Variants in LUZP1 observed in about 807,000 individuals in gnomAD.
LUZP1 encodes the protein filamin mechanobinding actin cross-linking protein.
Under a neutral mutation model 71.3 loss-of-function variants are expected in LUZP1, and 25 were observed. That is an observed-to-expected ratio of 0.35 (90% CI 0.26 to 0.49). The LOEUF (loss-of-function observed/expected upper bound fraction) is 0.49, where lower values mean the gene tolerates loss of function less well. Ranked by LOEUF, LUZP1 falls within the 20% of genes least tolerant of loss-of-function variation. The probability of loss-of-function intolerance (pLI) is 0.99; values close to 1 mark genes in which losing one functional copy is unlikely to be tolerated. For missense variants in LUZP1, 1,142 were observed against 1,300.8 expected (o/e 0.88, Z 1.88); for synonymous variants, 481 against 506.4 (o/e 0.95, Z 0.67).
intron 3 of LUZP1, among the ~76,000 whole-genome samples, chr1:23,104,942 A>T (rs937997537): frequency 6.6e-6 from 1 of 152,176 alleles, no homozygotes; most frequent in African/African-American, 2.4e-5. Flanking sequence ...TTTATATATA[A>T]TCTCTTAAAT....
intron 2 of LUZP1, among the ~76,000 whole-genome samples, chr1:23,166,106 C>T (rs948017793): frequency 1.3e-4 from 20 of 150,414 alleles, no homozygotes; most frequent in Non-Finnish European, 3.0e-4. Flanking sequence ...ATTTACAACA[C>T]TGCTGAAAGA....
At position 23,139,012 on chromosome 1, in the gene LUZP1, AAAAAAAAATATATATATAT is replaced by A. The variant is rs1290986605; in HGVS notation, c.-226+29735_-226+29753del. ...GACTCCATCTCAAAAAAAAAAAAAAAAAAAAAAATATATATATATATATATATATATATACACACATCAT... is the reference window on the plus strand; with the variant it reads ...GACTCCATCTCAAAAAAAAAAAAAAAATATATATATATATACACACATCAT... On this transcript the variant is annotated intron_variant, in intron 2 of 4. Transcript: ENST00000302291. Among the ~76,000 whole-genome samples the A allele has an allele frequency of 2.9e-3, 295 of 103,306 alleles. 4 individuals are homozygous for A. The highest frequency in any genetic ancestry group is 0.012 in the African/African-American group (287 of 23,168). The allele number at this position is 103,306 out of a possible 152,430, so 67.8% of individuals were successfully genotyped here.
At chr1:23,117,490 C>A (rs1644091607) in intron 2 of LUZP1, among the ~76,000 whole-genome samples, 1 of 45,504 alleles carries the variant, frequency 2.2e-5, no homozygotes, top group Admixed American at 2.9e-4. Flanking sequence ...CCCCCCCCCC[C>A]CACAATCAGG....
intron 3 of LUZP1, among the ~76,000 whole-genome samples, chr1:23,107,810 C>CA (rs1643996083): frequency 2.0e-5 from 3 of 151,942 alleles, no homozygotes; most frequent in African/African-American, 7.3e-5. Flanking sequence ...CTACGCCTTG[C>CA]AAAAAATAAA....
intron 2 of LUZP1, among the ~76,000 whole-genome samples, chr1:23,132,320 C>T (rs1644221283): frequency 6.6e-6 from 1 of 152,060 alleles, no homozygotes; most frequent in South Asian, 2.1e-4. Context: ...CTAAAGAATC[C>T]TTGACACTGC....
intron 2 of LUZP1, among the ~76,000 whole-genome samples, chr1:23,166,383 G>A (rs950605279): frequency 3.3e-5 from 5 of 152,142 alleles, no homozygotes; most frequent in South Asian, 2.1e-4. Flanking sequence ...GACTGGGAGC[G>A]GTGGCTCACA....
At chr1:23,088,883 C>G in exon 5 of LUZP1, 12 of 1,612,630 alleles carry the variant, frequency 7.4e-6, no homozygotes, top group Non-Finnish European at 1.0e-5. Context: ...AGACAACAGA[C>G]ACCCAGCGGG....
chr1:23,096,534 T>G (rs1460997323), intron 3 of LUZP1, among the ~76,000 whole-genome samples: 1 of 152,114 alleles, frequency 6.6e-6, no homozygotes, highest in Non-Finnish European at 1.5e-5. Context: ...ACCTAGGATT[T>G]AGGATCGGAA....
chr1:23,134,820 C>CT (rs113876329), intron 2 of LUZP1, among the ~76,000 whole-genome samples: 17 of 149,210 alleles, frequency 1.1e-4, no homozygotes, highest in South Asian at 2.1e-4. Flanking sequence ...AGTTGCCATG[C>CT]TTTTTTTTTT....
chr1:23,155,824 T>G (rs1644417207), intron 2 of LUZP1, among the ~76,000 whole-genome samples: 1 of 151,882 alleles, frequency 6.6e-6, no homozygotes, highest in African/African-American at 2.4e-5. Flanking sequence ...AACACTTAAA[T>G]GAGCTGCTCA....
chr1:23,148,250 T>A (rs1004303468), intron 2 of LUZP1, among the ~76,000 whole-genome samples: 2 of 152,156 alleles, frequency 1.3e-5, no homozygotes, highest in African/African-American at 4.8e-5. Flanking sequence ...GCTGAATAAT[T>A]CCATTTCTTG....
chr1:23,098,177 A>G (rs1186629165), intron 3 of LUZP1, among the ~76,000 whole-genome samples: 1 of 152,252 alleles, frequency 6.6e-6, no homozygotes, highest in Non-Finnish European at 1.5e-5. Flanking sequence ...TGCAGAACAA[A>G]GCAAAAGAAG....
At chr1:23,162,956 A>G (rs981225992) in intron 2 of LUZP1, 4 of 152,114 alleles carry the variant, frequency 2.6e-5, no homozygotes, top group African/African-American at 9.7e-5. Flanking sequence ...TTAATAAAGA[A>G]TAAGGCTGGG....
At position 23,123,625 on chromosome 1, in the gene LUZP1, G is replaced by A. The variant is rs114340315; in HGVS notation, c.-225-14498C>T. On this transcript the variant is annotated intron_variant, in intron 2 of 4. Transcript: ENST00000302291. Reference sequence around the variant, plus strand: ...GCAGACTTTCTGGTCATACAGAGCTGAGAGAAGGACTCAAATCCTACTACT... The same window carrying A: ...GCAGACTTTCTGGTCATACAGAGCTAAGAGAAGGACTCAAATCCTACTACT... Among the ~76,000 whole-genome samples, 1,435 of 152,194 alleles carry A rather than the reference G, an allele frequency of 9.4e-3. 4 individuals carry two copies. The highest frequency in any genetic ancestry group is 0.017 in the Middle Eastern group (5 of 294).
chr1:23,107,618 T>C lies in LUZP1; in HGVS notation c.-120+1404A>G, dbSNP rs143665228. 2.8e-3 allele frequency among the ~76,000 whole-genome samples: 425 copies of C among 152,202 alleles called. 4 individuals carry two copies. The highest frequency in any genetic ancestry group is 9.5e-3 in the African/African-American group (395 of 41,526). ...GAGTTCAAGACCAGCCTGGCCAACA[T>C]GGTGAAACCCTGTCTCTACAAAAAA... On this transcript the variant is annotated intron_variant, in intron 3 of 4. Coordinates refer to ENST00000302291, the Ensembl canonical transcript of LUZP1.
At chr1:23,091,868 T>C (rs1195731667) in exon 4 of LUZP1, 2 of 1,614,180 alleles carry the variant, frequency 1.2e-6, no homozygotes, top group Admixed American at 1.7e-5. Flanking sequence ...CAGATGGATA[T>C]ATAGTAATGC....
chr1:23,102,501 CA>C (rs533013567), intron 3 of LUZP1, among the ~76,000 whole-genome samples: 2 of 152,256 alleles, frequency 1.3e-5, no homozygotes, highest in East Asian at 3.9e-4. Flanking sequence ...ATAGTATACA[CA>C]TAAGTATGCA....
At chr1:23,135,897 T>C (rs1644249522) in intron 2 of LUZP1, among the ~76,000 whole-genome samples, 1 of 152,160 alleles carries the variant, frequency 6.6e-6, no homozygotes, top group Non-Finnish European at 1.5e-5. Context: ...ATATAACTCC[T>C]TAACCAGACT....
chr1:23,139,039 T>TAC (rs1341066339), intron 2 of LUZP1, among the ~76,000 whole-genome samples: 1 of 125,058 alleles, frequency 8.0e-6, no homozygotes, highest in Non-Finnish European at 1.6e-5. Context: ...TATATATATA[T>TAC]ATATATACAC....
Sources: gnomAD v4.1 joint callset for allele counts (sites outside exome capture counted in the v4.1 genomes callset) on GRCh38, gnomAD v4.1.1 for gene constraint, MANE v1.5 for transcripts, NCBI Gene and HGNC (gene_info 2026-07-23, HGNC 2026-07-21) for gene names.